The following PAAF1 variants were observed in gnomAD, a reference collection of about 807,000 sequenced individuals.
PAAF1 encodes proteasomal ATPase associated factor 1.
A neutral mutation model predicts 52.8 loss-of-function variants in PAAF1; 46 were observed. The ratio of observed to expected loss-of-function variants is 0.87; its 90% CI spans 0.69 to 1.11. PAAF1 has a LOEUF of 1.11. Among genes scored for constraint, PAAF1 ranks in the 50% most tolerant of loss-of-function variants. The pLI is 0.00. For missense variants in PAAF1, 424 were observed against 477.4 expected, an observed-to-expected ratio of 0.89 and a Z score of 1.04; for synonymous variants, 178 against 172.8, an observed-to-expected ratio of 1.03 and a Z score of -0.24.
chr11:73,888,315 C>T (rs142867864), intron 3 of PAAF1, among the ~76,000 whole-genome samples: 3 of 152,268 alleles, frequency 2.0e-5, no homozygotes, highest in East Asian at 3.9e-4. Flanking sequence ...TTGCCTGATA[C>T]GGCCATTACC....
chr11:73,884,818 A>C (rs1361814750), intron 2 of PAAF1, among the ~76,000 whole-genome samples: 1 of 152,032 alleles, frequency 6.6e-6, no homozygotes, highest in Non-Finnish European at 1.5e-5. Context: ...CTGGTGTATT[A>C]ATTGATGAAT....
At chr11:73,897,129 G>A (rs1465365958) in intron 4 of PAAF1, among the ~76,000 whole-genome samples, 10 of 145,056 alleles carry the variant, frequency 6.9e-5, no homozygotes, top group African/African-American at 1.8e-4. Flanking sequence ...CAGTAGGGGC[G>A]GCCGGGCAGA....
chr11:73,889,211 AT>A, intron 3 of PAAF1: 1 of 1,488,446 alleles, frequency 6.7e-7, no homozygotes. Flanking sequence ...ATGATTGCTA[AT>A]TTTTGCTGTG....
chr11:73,910,882 C>T (rs148454913), intron 7 of PAAF1, among the ~76,000 whole-genome samples: 70 of 150,386 alleles, frequency 4.7e-4, no homozygotes, highest in African/African-American at 1.1e-3. Context: ...CCCAGCTACT[C>T]GGGAGGCTAA....
At chr11:73,914,697 CTT>C (rs371949979) in intron 8 of PAAF1, among the ~76,000 whole-genome samples, 193 bp downstream of exon 8, 37 of 126,920 alleles carry the variant, frequency 2.9e-4, no homozygotes, top group Admixed American at 4.0e-4. Flanking sequence ...AATCCCAGTT[CTT>C]TTTTTTTTTT....
intron 10 of PAAF1, chr11:73,922,214 A>T: frequency 1.4e-6 from 1 of 740,522 alleles, no homozygotes; most frequent in Admixed American, 1.8e-5. Context: ...CCGGGTTTCA[A>T]CCCAGAGGAG....
chr11:73,915,647 A>G (rs1591118389), intron 8 of PAAF1, among the ~76,000 whole-genome samples: 2 of 152,306 alleles, frequency 1.3e-5, no homozygotes, highest in East Asian at 3.9e-4. Flanking sequence ...TTGATCAATT[A>G]ATGAACAGAC....
intron 4 of PAAF1, among the ~76,000 whole-genome samples, chr11:73,894,076 T>C (rs1342625739): frequency 6.6e-6 from 1 of 152,208 alleles, no homozygotes; most frequent in Non-Finnish European, 1.5e-5. Flanking sequence ...ATGCTGGGAT[T>C]ATAGGTATAA....
chr11:73,883,843 C>T (rs768821351), intron 2 of PAAF1, among the ~76,000 whole-genome samples: 12 of 152,234 alleles, frequency 7.9e-5, no homozygotes, highest in South Asian at 2.1e-4. Context: ...ATCAGTACTT[C>T]GTTCCTTTTT....
intron 2 of PAAF1, 89 bp from the exon 3 acceptor site, chr11:73,887,265 A>C: frequency 3.3e-6 from 3 of 913,950 alleles, no homozygotes; most frequent in Non-Finnish European, 4.9e-6. Flanking sequence ...TGGGTATACT[A>C]TTTATACAGA....
Position 73,921,958 on chromosome 11 carries a change from C to T in PAAF1, c.1019-2657C>T, listed in dbSNP as rs1029366095. On this transcript the variant is annotated intron_variant, in intron 10 of 11. Coordinates refer to ENST00000310571, the MANE Select transcript of PAAF1 (RefSeq NM_025155.3). ...ATTGCACTTCTGGAGTTCCTTCAGA[C>T]ACTCAGAAACGTAGACAGAGATACG... The T allele has an allele frequency of 1.4e-5, 13 of 918,136 alleles. No homozygotes were observed. In the African/African-American group the frequency reaches 2.0e-4, roughly 14 times the overall value. 56.9% of individuals were successfully genotyped at this position (918,136 alleles called of 1,614,324 possible).
At chr11:73,878,668 C>T (rs1948811971) in intron 1 of PAAF1, 111 bp from the exon 2 acceptor site, 2 of 844,842 alleles carry the variant, frequency 2.4e-6, no homozygotes, top group East Asian at 4.9e-5. Flanking sequence ...TATCTCATGT[C>T]TAAGTACTAT....
At chr11:73,910,491 G>GTA (rs1307273654) in intron 7 of PAAF1, among the ~76,000 whole-genome samples, 2 of 152,130 alleles carry the variant, frequency 1.3e-5, no homozygotes, top group Admixed American at 1.3e-4. Context: ...ATTAAGAGGG[G>GTA]TAGTAGTAGG....
intron 11 of PAAF1, 57 bp from the exon 12 acceptor site, chr11:73,927,228 C>G (rs1950386150): frequency 2.2e-6 from 3 of 1,359,630 alleles, no homozygotes; most frequent in African/African-American, 2.9e-5. Flanking sequence ...AAGCCTCCAT[C>G]TTTTTGAAAT....
chr11:73,922,201 C>T lies in PAAF1; in HGVS notation c.1019-2414C>T, dbSNP rs116613500. On this transcript the variant is annotated intron_variant, in intron 10 of 11. Coordinates refer to ENST00000310571, the MANE Select transcript of PAAF1 (RefSeq NM_025155.3). ...GAGTGGTAAGCTGGCATCTTGGTGG[C>T]GCCCGGGTTTCAACCCAGAGGAGCA... is the stretch of plus-strand genomic sequence containing the variant. 3.1e-3 allele frequency: 2,554 copies of T among 828,940 alleles called. 44 individuals carry two copies. The African/African-American group carries it at 0.035, about 11-fold the overall frequency. The allele number at this position is 828,940 out of a possible 1,614,324, so 51.3% of individuals were successfully genotyped here. A position where few individuals can be genotyped will look rare whatever the true frequency, so the allele number is the denominator to read the frequency against.
intron 2 of PAAF1, chr11:73,886,919 C>T (rs575318538): frequency 1.0e-4 from 40 of 383,246 alleles, no homozygotes; most frequent in Non-Finnish European, 1.8e-4. Flanking sequence ...TCTGTTCTTT[C>T]CTGAGAAAGC....
chr11:73,880,685 T>A (rs1482324876), intron 2 of PAAF1: 1 of 51,788 alleles, frequency 1.9e-5, no homozygotes. Flanking sequence ...AGACTCTGTC[T>A]CGAAAAAAAA....
intron 4 of PAAF1, among the ~76,000 whole-genome samples, chr11:73,895,575 T>C (rs1949321560): frequency 6.6e-6 from 1 of 152,236 alleles, no homozygotes; most frequent in African/African-American, 2.4e-5. Context: ...TTAATTGACA[T>C]AGAACAAAGT....
At chr11:73,924,027 A>ACC (rs150724739) in intron 10 of PAAF1, among the ~76,000 whole-genome samples, 3 of 151,802 alleles carry the variant, frequency 2.0e-5, no homozygotes, top group African/African-American at 7.3e-5. Flanking sequence ...ACACACACAC[A>ACC]CCTGTGGTTG....
Sources: gnomAD v4.1 joint callset for allele counts (sites outside exome capture counted in the v4.1 genomes callset) on GRCh38, gnomAD v4.1.1 for gene constraint, MANE v1.5 for transcripts, NCBI Gene and HGNC (gene_info 2026-07-23, HGNC 2026-07-21) for gene names.